SGCZ: variants seen among roughly 807,000 people sequenced by gnomAD.
SGCZ encodes the protein zeta-sarcoglycan.
SGCZ carries 40 observed loss-of-function variants against 41.3 expected under a neutral mutation model. The ratio of observed to expected loss-of-function variants is 0.97; its 90% CI spans 0.75 to 1.26. The LOEUF is 1.26. Among genes scored for constraint, SGCZ ranks in the 50% most tolerant of loss-of-function variants. The pLI is 0.00. For missense variants in SGCZ, 552 were observed against 369.8 expected (o/e 1.49, Z -4.04); for synonymous variants, 206 against 137.5 (o/e 1.50, Z -3.49).
intron 2 of SGCZ, among the ~76,000 whole-genome samples, chr8:14,459,378 T>A (rs536697465): frequency 2.6e-5 from 4 of 151,672 alleles, no homozygotes; most frequent in African/African-American, 9.7e-5. Flanking sequence ...GTAACAAACC[T>A]GCACATTGTG....
chr8:14,879,927 C>T (rs970301968), intron 1 of SGCZ: 1 of 152,020 alleles, frequency 6.6e-6, no homozygotes, highest in East Asian at 1.9e-4. Flanking sequence ...TGCACCTCCC[C>T]CTTCCTGGGT....
chr8:15,009,879 A>C (rs1802765581), intron 1 of SGCZ, among the ~76,000 whole-genome samples: 1 of 152,204 alleles, frequency 6.6e-6, no homozygotes, highest in Non-Finnish European at 1.5e-5. Flanking sequence ...CCTCTGTAGC[A>C]AATTTATATA....
chr8:14,141,084 T>A (rs894378525), intron 5 of SGCZ, among the ~76,000 whole-genome samples: 17 of 152,198 alleles, frequency 1.1e-4, no homozygotes, highest in Non-Finnish European at 2.4e-4. Flanking sequence ...GGATTCCCTA[T>A]TTAATAAATG....
rs1461797448 is a variant in SGCZ, at chr8:14,516,109, C to CT, written c.234+38622dup. Among the ~76,000 whole-genome samples, 6 of 98,706 alleles carry CT rather than the reference C, an allele frequency of 6.1e-5. No individual in the cohort carries two copies. The East Asian group carries it at 3.0e-3, about 49-fold the overall frequency. 64.8% of individuals were successfully genotyped at this position (98,706 alleles called of 152,430 possible). On this transcript the variant is annotated intron_variant, in intron 2 of 7. Transcript: ENST00000382080. The stretch of plus-strand genomic sequence containing the variant: ...TGGCAGTATGATCATGATGAAACTT[C>CT]TCTTTTTTTTTCTATGTCTGTGGTT...
chr8:15,156,869 C>G (rs987957791), intron 1 of SGCZ, among the ~76,000 whole-genome samples: 1 of 150,718 alleles, frequency 6.6e-6, no homozygotes, highest in East Asian at 2.0e-4. Context: ...CGCTTGAACC[C>G]AGGAGACGGA....
At chr8:14,351,482 G>A (rs1803091174) in intron 2 of SGCZ, among the ~76,000 whole-genome samples, 1 of 151,548 alleles carries the variant, frequency 6.6e-6, no homozygotes, top group Admixed American at 6.6e-5. Context: ...TACTTTGTCT[G>A]ATTGCATTAT....
At chr8:14,185,859 T>C (rs1485868248) in intron 4 of SGCZ, among the ~76,000 whole-genome samples, 1 of 152,246 alleles carries the variant, frequency 6.6e-6, no homozygotes, top group African/African-American at 2.4e-5. Context: ...TTCATTTATC[T>C]TGGAGTTCTC....
At chr8:14,484,901 G>T (rs928610590) in intron 2 of SGCZ, among the ~76,000 whole-genome samples, 6 of 151,964 alleles carry the variant, frequency 3.9e-5, no homozygotes, top group Non-Finnish European at 7.4e-5. Context: ...ATGCTTTACA[G>T]CAAAATTATT....
rs568317262 is a variant in SGCZ at position 14,542,538 on chromosome 8, T to C, written c.234+12194A>G. 5.2e-4 allele frequency among the ~76,000 whole-genome samples: 79 copies of C among 152,240 alleles called. 1 individual carries two copies. Among genetic ancestry groups the C allele is most frequent in the South Asian group, 2.1e-3 (10 of 4,830 alleles). ...GCCTTAAAAGCATAAAGGAGATTTG[T>C]CCATCCTGTTACTTAGAGCACCGAG... On this transcript the variant is annotated intron_variant, in intron 2 of 7. Transcript: ENST00000382080.
chr8:14,099,270 C>T (rs769504332), intron 7 of SGCZ, among the ~76,000 whole-genome samples: 1 of 152,156 alleles, frequency 6.6e-6, no homozygotes, highest in Non-Finnish European at 1.5e-5. Flanking sequence ...TATGGCTCTT[C>T]AATATTGTCT....
At chr8:14,269,110 G>C (rs1799973113) in intron 3 of SGCZ, among the ~76,000 whole-genome samples, 1 of 151,950 alleles carries the variant, frequency 6.6e-6, no homozygotes, top group Non-Finnish European at 1.5e-5. Context: ...CTATGATATA[G>C]TCATAAATTT....
rs1585226613 is a variant in SGCZ at position 14,745,830 on chromosome 8, A to T, written c.40-190904T>A. On this transcript the variant is annotated intron_variant, in intron 1 of 7. Transcript: ENST00000382080. ...TACAACCAAGTAGGGAATTTAGTAT[A>T]TTATTTTTATATAACAAATTTAGTC... is the stretch of plus-strand genomic sequence containing the variant. 2.6e-5 allele frequency among the ~76,000 whole-genome samples: 4 copies of T among 152,158 alleles called. No individual in the cohort carries two copies. In the East Asian group the frequency reaches 5.8e-4, roughly 22 times the overall value.
intron 2 of SGCZ, among the ~76,000 whole-genome samples, chr8:14,330,213 C>G (rs942879958): frequency 1.3e-5 from 2 of 152,032 alleles, no homozygotes; most frequent in Non-Finnish European, 2.9e-5. Context: ...TATGATCAAT[C>G]TTATTTATCT....
At chr8:14,416,651 C>T (rs919723000) in intron 2 of SGCZ, among the ~76,000 whole-genome samples, 2 of 151,802 alleles carry the variant, frequency 1.3e-5, no homozygotes, top group African/African-American at 4.8e-5. Context: ...CATCTCCTTA[C>T]TTGGATTCAG....
At chr8:15,050,201 G>T (rs1179273516) in intron 1 of SGCZ, among the ~76,000 whole-genome samples, 1 of 152,072 alleles carries the variant, frequency 6.6e-6, no homozygotes, top group Admixed American at 6.5e-5. Context: ...AGACTCCTGA[G>T]GAATTGATGG....
chr8:15,100,825 T>C (rs1013317353), intron 1 of SGCZ, among the ~76,000 whole-genome samples: 1 of 151,932 alleles, frequency 6.6e-6, no homozygotes, highest in African/African-American at 2.4e-5. Flanking sequence ...TCTACAATAA[T>C]TAAAAATAAA....
At chr8:14,959,861 A>G (rs1800908223) in intron 1 of SGCZ, among the ~76,000 whole-genome samples, 1 of 152,220 alleles carries the variant, frequency 6.6e-6, no homozygotes, top group South Asian at 2.1e-4. Context: ...GGAGGACAAC[A>G]TACAGGGAGC....
chr8:14,959,526 C>G (rs919854595), intron 1 of SGCZ, among the ~76,000 whole-genome samples: 2 of 152,064 alleles, frequency 1.3e-5, no homozygotes, highest in African/African-American at 2.4e-5. Context: ...ATATACAAAA[C>G]AGCTGAATGA....
At chr8:14,883,871 C>T (rs1477658177) in intron 1 of SGCZ, among the ~76,000 whole-genome samples, 1 of 149,710 alleles carries the variant, frequency 6.7e-6, no homozygotes, top group Non-Finnish European at 1.5e-5. Flanking sequence ...TATCATAAGC[C>T]TTGAAAATAG....
Sources: allele counts gnomAD v4.1 joint callset (sites outside exome capture counted in the v4.1 genomes callset), GRCh38; gene constraint gnomAD v4.1.1; transcripts MANE v1.5; gene names NCBI Gene and HGNC (gene_info 2026-07-23, HGNC 2026-07-21).